The following CUL4A variants were observed in gnomAD, a reference collection of about 807,000 sequenced individuals.
CUL4A encodes the protein cullin 4A, also known as cullin-4A.
CUL4A carries 16 observed loss-of-function variants against 95.5 expected under a neutral mutation model. The observed-to-expected ratio is 0.17, with a 90% confidence interval of 0.11 to 0.25. CUL4A has a LOEUF of 0.25. Among genes scored for constraint, CUL4A ranks in the 10% least tolerant of loss-of-function variants. The pLI, the probability that CUL4A is intolerant of heterozygous loss-of-function variation, is 1.00. For missense variants in CUL4A, 610 were observed against 937.0 expected (o/e 0.65, Z 4.56); for synonymous variants, 380 against 353.1 (o/e 1.08, Z -0.85).
intron 3 of CUL4A, among the ~76,000 whole-genome samples, chr13:113,223,251 C>A (rs2316441): frequency 0.92 from 140,106 of 152,174 alleles, 65,591 homozygotes; most frequent in East Asian, 1. Flanking sequence ...CCAGTCTCAC[C>A]TGGGGAAATG....
At chr13:113,236,171 C>CAG (rs147773636) in intron 8 of CUL4A, among the ~76,000 whole-genome samples, 1 of 152,104 alleles carries the variant, frequency 6.6e-6, no homozygotes, top group African/African-American at 2.4e-5. Flanking sequence ...AGCACAAAAA[C>CAG]AGAGAGGGTG....
At chr13:113,239,405 C>A in intron 9 of CUL4A, 28 bp from the exon 10 acceptor site, 1 of 1,579,220 alleles carries the variant, frequency 6.3e-7, no homozygotes, top group Non-Finnish European at 8.7e-7. Flanking sequence ...CCATGCTGTA[C>A]TCTGCTGACG....
At chr13:113,255,700 C>T (rs896971700) in intron 18 of CUL4A, among the ~76,000 whole-genome samples, 1 of 151,996 alleles carries the variant, frequency 6.6e-6, no homozygotes, top group Non-Finnish European at 1.5e-5. Flanking sequence ...TTTATTAGAA[C>T]GTATTTGAGG....
intron 1 of CUL4A, 46 bp from the exon 2 acceptor site, chr13:113,209,927 G>C: frequency 7.1e-7 from 1 of 1,411,324 alleles, no homozygotes; most frequent in Non-Finnish European, 9.3e-7. Flanking sequence ...TACGCGGGGC[G>C]CTTCGCGGCG....
intron 9 of CUL4A, among the ~76,000 whole-genome samples, chr13:113,237,443 CA>C (rs974949851): frequency 3.9e-5 from 6 of 152,220 alleles, no homozygotes; most frequent in African/African-American, 1.4e-4. Flanking sequence ...CGCTTCTCCC[CA>C]AGTGGTGGCA....
At chr13:113,257,805 AT>A (rs2042168038) in intron 18 of CUL4A, among the ~76,000 whole-genome samples, 1 of 152,200 alleles carries the variant, frequency 6.6e-6, no homozygotes, top group South Asian at 2.1e-4. Flanking sequence ...AAGTTTTTAC[AT>A]TTAAATCTTT....
intron 15 of CUL4A, among the ~76,000 whole-genome samples, chr13:113,250,829 A>T (rs2041975929): frequency 6.6e-6 from 1 of 152,204 alleles, no homozygotes; most frequent in Admixed American, 6.5e-5. Context: ...AAATGAAATG[A>T]AATCGATGAT....
chr13:113,262,685 A>C (rs1595441154), intron 19 of CUL4A, among the ~76,000 whole-genome samples: 2 of 152,350 alleles, frequency 1.3e-5, no homozygotes, highest in South Asian at 4.1e-4. Context: ...CTACTTAGGC[A>C]GAAGCATCCT....
chr13:113,210,784 C>T (rs1249660879), intron 2 of CUL4A, among the ~76,000 whole-genome samples: 2 of 117,296 alleles, frequency 1.7e-5, no homozygotes, highest in Non-Finnish European at 3.9e-5. Flanking sequence ...TATTAAAAGG[C>T]TTGAATTAAA....
Position 113,266,636 on chromosome 13 carries a change from A to C in CUL4A, c.*3054A>C, listed in dbSNP as rs555124792. 1.7e-4 allele frequency: 26 copies of C among 152,368 alleles called. 1 individual carries two copies. The highest frequency in any genetic ancestry group is 4.1e-4 in the South Asian group (2 of 4,830). The allele number at this position is 152,368 out of a possible 1,614,324, so 9.4% of individuals were successfully genotyped here. On this transcript the variant is annotated 3_prime_UTR_variant, in exon 20 of 20. Transcript: ENST00000375440. ...CCTTTAAAAAGATTCCTGGAACAAG[A>C]AAGTCCACAAATAAGCCAAATACAC...
chr13:113,220,450 G>C (rs1456560775), intron 3 of CUL4A, among the ~76,000 whole-genome samples: 1 of 152,242 alleles, frequency 6.6e-6, no homozygotes, highest in Non-Finnish European at 1.5e-5. Context: ...GGAGGCGCCT[G>C]TGAGGGCGCA....
Position 113,210,103 on chromosome 13 carries a change from G to A in CUL4A, c.264+15G>A, listed in dbSNP as rs1476195824. On this transcript the variant is annotated intron_variant, in intron 2 of 19. Transcript: ENST00000375440. The stretch of plus-strand genomic sequence containing the variant: ...AGCTCTACCAGGTGAGGCGGCGGCC[G>A]GGGCTGGGGACGCCGCTCCTGCCCC... 6.8e-7 allele frequency: 1 copy of A among 1,471,974 alleles called. No homozygotes were observed. Among genetic ancestry groups the A allele is most frequent in the South Asian group, 1.3e-5 (1 of 77,666 alleles). 91.2% of individuals were successfully genotyped at this position (1,471,974 alleles called of 1,614,324 possible).
At chr13:113,230,041 C>A in intron 5 of CUL4A, 1 of 215,222 alleles carries the variant, frequency 4.6e-6, no homozygotes, top group Non-Finnish European at 9.1e-6. Context: ...ATGTCCTCTG[C>A]TGACCCCTGT....
intron 3 of CUL4A, among the ~76,000 whole-genome samples, chr13:113,223,840 C>T (rs886342182): frequency 2.0e-5 from 3 of 152,312 alleles, no homozygotes; most frequent in South Asian, 4.1e-4. Flanking sequence ...TTACCACATC[C>T]GTTTTCTTGT....
chr13:113,246,441 A>G (rs1010496881), intron 15 of CUL4A, among the ~76,000 whole-genome samples: 1 of 152,316 alleles, frequency 6.6e-6, no homozygotes, highest in Admixed American at 6.5e-5. Context: ...CTTTAGCTAC[A>G]CTAAACCCTT....
intron 15 of CUL4A, among the ~76,000 whole-genome samples, chr13:113,252,159 G>C (rs900380296): frequency 6.6e-6 from 1 of 152,172 alleles, no homozygotes; most frequent in Non-Finnish European, 1.5e-5. Context: ...AGCAGGATCC[G>C]GGCGATGGGA....
chr13:113,252,148 G>A (rs1364997190), intron 15 of CUL4A, among the ~76,000 whole-genome samples: 2 of 152,174 alleles, frequency 1.3e-5, no homozygotes, highest in East Asian at 1.9e-4. Flanking sequence ...CGGAAAACAC[G>A]AGCAGGATCC....
At position 113,254,700 on chromosome 13, in the gene CUL4A, A is replaced by G; in HGVS notation, c.1760A>G (p.Lys587Arg). 6.2e-7 allele frequency: 1 copy of G among 1,601,146 alleles called. No homozygotes were observed. The highest frequency in any genetic ancestry group is 8.5e-7 in the Non-Finnish European group (1 of 1,170,534). ...VLKAEFKEGK[K>R]EFQVSLFQTL... Reference sequence around the variant, plus strand: ...TGAGGCCTTCTCTTCCAGGGGAAGAAGGAATTCCAGGTGTCCCTCTTCCAG... The same window carrying G: ...TGAGGCCTTCTCTTCCAGGGGAAGAGGGAATTCCAGGTGTCCCTCTTCCAG... The change falls in exon 17 of 20, where the codon AAG (lysine) becomes AGG (arginine). Residue 587 changes from lysine to arginine, a missense_variant. Physicochemically the swap from Lys to Arg is conservative, Grantham distance 26 (BLOSUM62 2). Around this residue, in one of 10 missense-constraint regions of CUL4A, gnomAD observed 72 missense variants for 93.2 expected, o/e 0.77. Transcript: ENST00000375440.
rs1347666661 is a variant in CUL4A, at chr13:113,254,906, CTCAT to C, written c.1859-44_1859-41del. 9.3e-6 allele frequency: 15 copies of C among 1,604,688 alleles called. No individual in the cohort carries two copies. The Middle Eastern group carries it at 2.0e-3, about 213-fold the overall frequency. ...CATGATTGGTTTACTGTTGTTGAGT[CTCAT>C]TCGTTTAACGCCAGCCTTTGCCTGC... On this transcript the variant is annotated intron_variant, in intron 17 of 19. Coordinates refer to ENST00000375440, the MANE Select transcript of CUL4A (RefSeq NM_001008895.4).
Sources: gnomAD v4.1 joint callset for allele counts (sites outside exome capture counted in the v4.1 genomes callset) on GRCh38, gnomAD v4.1.1 for gene constraint, gnomAD v4.1.1 regional missense constraint, MANE v1.5 for transcripts, NCBI Gene and HGNC (gene_info 2026-07-23, HGNC 2026-07-21) for gene names.